MARCHF3: variants seen among roughly 807,000 people sequenced by gnomAD.
MARCHF3 encodes the protein membrane associated ring-CH-type finger 3.
Under a neutral mutation model 24.2 loss-of-function variants are expected in MARCHF3, and 13 were observed. The ratio of observed to expected loss-of-function variants is 0.54; its 90% CI spans 0.35 to 0.85. MARCHF3 has a LOEUF of 0.85. Among genes scored for constraint, MARCHF3 ranks in the 40% least tolerant of loss-of-function variants. MARCHF3 has a pLI of 0.01. For missense variants in MARCHF3, 276 were observed against 325.0 expected, an observed-to-expected ratio of 0.85 and a Z score of 1.16; for synonymous variants, 144 against 137.3, an observed-to-expected ratio of 1.05 and a Z score of -0.34.
intron 1 of MARCHF3, among the ~76,000 whole-genome samples, chr5:126,925,260 T>C (rs942990698): frequency 4.6e-5 from 7 of 152,178 alleles, no homozygotes; most frequent in Non-Finnish European, 7.3e-5. Flanking sequence ...ATAAAGCAAG[T>C]TGGATCCGGG....
intron 3 of MARCHF3, among the ~76,000 whole-genome samples, chr5:126,912,626 A>T (rs1324574405): frequency 1.3e-5 from 2 of 152,220 alleles, no homozygotes; most frequent in Non-Finnish European, 2.9e-5. Context: ...TTGAGAAGAG[A>T]TGCTCACTAG....
At chr5:126,941,306 A>G (rs1749818607) in intron 1 of MARCHF3, among the ~76,000 whole-genome samples, 1 of 152,186 alleles carries the variant, frequency 6.6e-6, no homozygotes, top group Admixed American at 6.5e-5. Context: ...CCTCTTAAAC[A>G]CTTTTGTGCT....
intron 1 of MARCHF3, among the ~76,000 whole-genome samples, chr5:126,979,994 T>C (rs567959139): frequency 1.9e-4 from 29 of 150,238 alleles, no homozygotes; most frequent in African/African-American, 6.9e-4. Context: ...AAATCCTGTA[T>C]ACTAATTGAG....
chr5:126,959,004 G>A (rs1349729929), intron 1 of MARCHF3, among the ~76,000 whole-genome samples: 2 of 152,138 alleles, frequency 1.3e-5, no homozygotes, highest in African/African-American at 2.4e-5. Context: ...GGGGAGAAAA[G>A]ACAAATCTCT....
At position 126,906,404 on chromosome 5, in the gene MARCHF3, C is replaced by T. The variant is rs1021199992; in HGVS notation, c.393+8526G>A. Among the ~76,000 whole-genome samples, 30 of 152,204 alleles carry T rather than the reference C, an allele frequency of 2.0e-4. 1 individual carries two copies. Among genetic ancestry groups the T allele is most frequent in the Non-Finnish European group, 5.9e-5 (4 of 68,042 alleles). Reference sequence around the variant, plus strand: ...TCAGAAGGAATGGTACCCAGTTCCTCCTTGTACCTCTGGTAGAATTCGGCT... The same window carrying T: ...TCAGAAGGAATGGTACCCAGTTCCTTCTTGTACCTCTGGTAGAATTCGGCT... On this transcript the variant is annotated intron_variant, in intron 3 of 4. Coordinates refer to ENST00000308660, the MANE Select transcript of MARCHF3 (RefSeq NM_178450.5).
rs549234533 is a variant in MARCHF3, at chr5:126,948,954, G to A, written c.-56-30727C>T. On this transcript the variant is annotated intron_variant, in intron 1 of 4. Coordinates refer to ENST00000308660, the MANE Select transcript of MARCHF3 (RefSeq NM_178450.5). Reference sequence around the variant, plus strand: ...GGCCTACAGTGGTGGAGGTGGGAGGGTGAACAATTTGGGCATGTGGAGAGG... The same window carrying A: ...GGCCTACAGTGGTGGAGGTGGGAGGATGAACAATTTGGGCATGTGGAGAGG... Among the ~76,000 whole-genome samples the A allele has an allele frequency of 2.0e-5, 3 of 152,162 alleles. No homozygotes were observed. In the South Asian group the frequency reaches 6.2e-4, roughly 32 times the overall value.
chr5:126,877,088 G>C (rs930561709), intron 4 of MARCHF3, among the ~76,000 whole-genome samples: 1 of 152,104 alleles, frequency 6.6e-6, no homozygotes, highest in Non-Finnish European at 1.5e-5. Context: ...AAACTGAAAT[G>C]TATCTCCTTA....
intron 4 of MARCHF3, among the ~76,000 whole-genome samples, chr5:126,873,606 A>C (rs1289449213): frequency 6.6e-6 from 1 of 152,210 alleles, no homozygotes; most frequent in Non-Finnish European, 1.5e-5. Context: ...ATGTGCATTC[A>C]AGCCTGAGAC....
At chr5:126,918,520 T>A (rs1748988395) in intron 1 of MARCHF3, among the ~76,000 whole-genome samples, 1 of 152,200 alleles carries the variant, frequency 6.6e-6, no homozygotes, top group Admixed American at 6.5e-5. Flanking sequence ...GAGGCCCAGA[T>A]CTGAAGAGAA....
chr5:126,975,733 G>A (rs974864968), intron 1 of MARCHF3, among the ~76,000 whole-genome samples: 6 of 152,170 alleles, frequency 3.9e-5, no homozygotes, highest in East Asian at 1.9e-4. Flanking sequence ...TCTAAATAGC[G>A]AGTTGAGGTC....
intron 1 of MARCHF3, among the ~76,000 whole-genome samples, chr5:126,919,075 A>G (rs1749010903): frequency 6.6e-6 from 1 of 152,194 alleles, no homozygotes. Flanking sequence ...ATTAAACATA[A>G]TCCATTACAA....
chr5:127,007,097 C>G (rs894658022), intron 1 of MARCHF3, among the ~76,000 whole-genome samples: 1 of 151,894 alleles, frequency 6.6e-6, no homozygotes, highest in African/African-American at 2.4e-5. Context: ...AACAAAGTAA[C>G]AAGCAAGATA....
At chr5:127,004,540 A>T (rs1055903818) in intron 1 of MARCHF3, among the ~76,000 whole-genome samples, 2 of 152,074 alleles carry the variant, frequency 1.3e-5, no homozygotes, top group African/African-American at 4.8e-5. Flanking sequence ...GCCTTTGGGG[A>T]AGGAGATCAT....
At chr5:126,911,193 T>C (rs1306154311) in intron 3 of MARCHF3, among the ~76,000 whole-genome samples, 1 of 152,252 alleles carries the variant, frequency 6.6e-6, no homozygotes, top group Non-Finnish European at 1.5e-5. Context: ...CCTGTGGTCC[T>C]GTGATCTCGC....
chr5:126,893,009 G>T (rs376603513), intron 3 of MARCHF3, among the ~76,000 whole-genome samples: 1,979 of 150,038 alleles, frequency 0.013, 29 homozygotes, highest in South Asian at 0.075. Flanking sequence ...CTTCCTGGTT[G>T]AGTCTTGGGA....
chr5:127,015,735 C>T (rs112439328), intron 1 of MARCHF3, among the ~76,000 whole-genome samples: 2,089 of 152,302 alleles, frequency 0.014, 46 homozygotes, highest in African/African-American at 0.045. Context: ...CAGTACATCC[C>T]CCCACTTATT....
chr5:126,953,533 G>GT (rs1750324515), intron 1 of MARCHF3, among the ~76,000 whole-genome samples: 2 of 151,918 alleles, frequency 1.3e-5, no homozygotes, highest in South Asian at 2.1e-4. Context: ...TCAATGGTAC[G>GT]TAAGTTCTAG....
chr5:126,907,393 G>C (rs1320929317), intron 3 of MARCHF3, among the ~76,000 whole-genome samples: 180 of 133,818 alleles, frequency 1.3e-3, no homozygotes, highest in African/African-American at 5.1e-3. Context: ...CTGTCTCGTT[G>C]ATCTGTCTAA....
At chr5:126,974,475 G>C (rs887452709) in intron 1 of MARCHF3, among the ~76,000 whole-genome samples, 3 of 152,180 alleles carry the variant, frequency 2.0e-5, no homozygotes, top group Non-Finnish European at 4.4e-5. Context: ...TGCTCTCTGG[G>C]TAATCAGAGG....
Sources: allele counts gnomAD v4.1 joint callset (sites outside exome capture counted in the v4.1 genomes callset), GRCh38; gene constraint gnomAD v4.1.1; transcripts MANE v1.5; gene names NCBI Gene and HGNC (gene_info 2026-07-23, HGNC 2026-07-21).